Variants in SOX5 observed in about 807,000 individuals in gnomAD.
The protein encoded by SOX5 is transcription factor SOX-5.
A neutral mutation model predicts 92.0 loss-of-function variants in SOX5; 9 were observed. That is an observed-to-expected ratio of 0.10 (90% CI 0.06 to 0.17). The LOEUF (loss-of-function observed/expected upper bound fraction) is 0.17, where lower values mean the gene tolerates loss of function less well. SOX5 is among the 10% of genes least tolerant of loss of function. The pLI is 1.00. For synonymous variants in SOX5, 344 were observed against 336.3 expected (o/e 1.02, Z -0.25); for missense variants, 642 against 944.5 (o/e 0.68, Z 4.20).
chr12:24,434,649 A>G (rs1323474643), intron 1 of SOX5, among the ~76,000 whole-genome samples: 1 of 152,150 alleles, frequency 6.6e-6, no homozygotes, highest in Non-Finnish European at 1.5e-5. Context: ...TGGTGTTGTC[A>G]TCATGATAGT....
chr12:24,078,800 C>T (rs1000751115), intron 4 of SOX5, among the ~76,000 whole-genome samples: 1 of 152,002 alleles, frequency 6.6e-6, no homozygotes, highest in Non-Finnish European at 1.5e-5. Context: ...TTTTCGAAAA[C>T]TTTATTTAGC....
In SOX5 at chr12:23,741,693, G is replaced by A. The variant is rs79417962; in HGVS notation, c.569-654C>T. Among the ~76,000 whole-genome samples, 894 of 152,118 alleles carry A rather than the reference G, an allele frequency of 5.9e-3. 7 individuals carry two copies. Among genetic ancestry groups the A allele is most frequent in the African/African-American group, 0.019 (776 of 41,516 alleles). On this transcript the variant is annotated intron_variant, in intron 4 of 14. Coordinates refer to ENST00000451604, the MANE Select transcript of SOX5 (RefSeq NM_006940.6). ...ATATGCCAATTCAGAGTCTATCTTC[G>A]AAAATAAAATACAGTTAACTGAGCA... is the stretch of plus-strand genomic sequence containing the variant.
intron 2 of SOX5, among the ~76,000 whole-genome samples, chr12:24,303,613 T>C (rs1948241122): frequency 1.3e-5 from 2 of 152,222 alleles, no homozygotes; most frequent in Admixed American, 6.5e-5. Flanking sequence ...ATTCCTATAG[T>C]TGAAGAAAGT....
chr12:24,250,994 C>T (rs1594804238), intron 3 of SOX5, among the ~76,000 whole-genome samples: 1 of 152,172 alleles, frequency 6.6e-6, no homozygotes, highest in Non-Finnish European at 1.5e-5. Context: ...TGCAGTTAAA[C>T]TTAAAATCTG....
At chr12:23,871,624 T>G (rs2136796393) in intron 2 of SOX5, among the ~76,000 whole-genome samples, 1 of 152,278 alleles carries the variant, frequency 6.6e-6, no homozygotes, top group Non-Finnish European at 1.5e-5. Context: ...AGATTTTTGT[T>G]CTTGTAAACT....
chr12:23,596,030 G>A (rs1054887890), intron 9 of SOX5, among the ~76,000 whole-genome samples: 10 of 152,184 alleles, frequency 6.6e-5, no homozygotes, highest in Admixed American at 6.5e-4. Context: ...GTTACCTTGA[G>A]ACTGGGTTAT....
chr12:23,957,482 G>T (rs1001199284), intron 4 of SOX5, among the ~76,000 whole-genome samples: 3 of 152,148 alleles, frequency 2.0e-5, no homozygotes, highest in African/African-American at 7.2e-5. Context: ...AACTGTGATT[G>T]GCGTAGGGGG....
At chr12:23,820,196 T>C (rs2096078923) in intron 3 of SOX5, among the ~76,000 whole-genome samples, 1 of 152,356 alleles carries the variant, frequency 6.6e-6, no homozygotes, top group East Asian at 1.9e-4. Context: ...ATGAGCTTTT[T>C]TTCATGTTTT....
chr12:23,538,009 G>GTCATC (rs1228550950), intron 13 of SOX5, among the ~76,000 whole-genome samples: 1 of 151,682 alleles, frequency 6.6e-6, no homozygotes, highest in African/African-American at 2.4e-5. Context: ...TCTGCAAATA[G>GTCATC]TCATCTCAAC....
At chr12:24,135,126 G>C (rs977486546) in intron 4 of SOX5, among the ~76,000 whole-genome samples, 2 of 152,148 alleles carry the variant, frequency 1.3e-5, no homozygotes, top group Non-Finnish European at 2.9e-5. Flanking sequence ...CATTTTTATT[G>C]ATGTCACTCT....
chr12:23,945,825 C>T (rs1456132870), intron 1 of SOX5, among the ~76,000 whole-genome samples: 3 of 152,030 alleles, frequency 2.0e-5, no homozygotes, highest in Non-Finnish European at 2.9e-5. Flanking sequence ...CTCATGAGCA[C>T]AACGGATTTT....
chr12:23,966,232 A>AAAAAAAAAT (rs1947562381), intron 4 of SOX5, among the ~76,000 whole-genome samples: 1 of 92,202 alleles, frequency 1.1e-5, no homozygotes, highest in Non-Finnish European at 2.1e-5. Flanking sequence ...AAAAAAAAAA[A>AAAAAAAAAT]AAAAAAAAAG....
chr12:23,695,594 A>T (rs756405802), intron 6 of SOX5, among the ~76,000 whole-genome samples: 111 of 152,274 alleles, frequency 7.3e-4, no homozygotes, highest in Non-Finnish European at 2.5e-4. Context: ...TATTTTATTA[A>T]TCTAGTCAAT....
intron 4 of SOX5, among the ~76,000 whole-genome samples, chr12:24,125,988 C>T (rs1266284288): frequency 6.6e-6 from 1 of 152,138 alleles, no homozygotes; most frequent in Non-Finnish European, 1.5e-5. Context: ...GCCATGGGCA[C>T]TTCCTTTCCT....
intron 7 of SOX5, among the ~76,000 whole-genome samples, chr12:23,657,399 A>G (rs893035926): frequency 6.6e-6 from 1 of 152,174 alleles, no homozygotes; most frequent in Non-Finnish European, 1.5e-5. Flanking sequence ...AGGACTTTTT[A>G]AGTCCTTACG....
intron 8 of SOX5, among the ~76,000 whole-genome samples, chr12:23,618,812 T>C (rs190631242): frequency 2.0e-5 from 3 of 152,264 alleles, no homozygotes; most frequent in Admixed American, 2.0e-4. Flanking sequence ...ACTTTCCAGA[T>C]AAAATGTTCT....
At position 23,941,520 on chromosome 12, in the gene SOX5, TA is replaced by T. The variant is rs371404331; in HGVS notation, c.38+8043del. On this transcript the variant is annotated intron_variant, in intron 1 of 14. Coordinates refer to ENST00000451604, the MANE Select transcript of SOX5 (RefSeq NM_006940.6). The stretch of plus-strand genomic sequence containing the variant: ...TTTCCTCTATTTCCCAAATTGTAGT[TA>T]TATTTAGGACTGGAGGAAAACAGAA... 4.6e-3 allele frequency among the ~76,000 whole-genome samples: 702 copies of T among 151,678 alleles called. 9 individuals are homozygous for T. The highest frequency in any genetic ancestry group is 0.016 in the African/African-American group (670 of 41,502).
intron 4 of SOX5, among the ~76,000 whole-genome samples, chr12:23,999,177 T>TGTGTGTGTGTGC (rs1569452779): frequency 5.6e-4 from 78 of 139,988 alleles, no homozygotes; most frequent in African/African-American, 2.1e-3. Flanking sequence ...TGTGTGTGTG[T>TGTGTGTGTGTGC]ACCATTGCTT....
chr12:24,534,836 G>A (rs1951498492), intron 1 of SOX5, among the ~76,000 whole-genome samples: 1 of 152,236 alleles, frequency 6.6e-6, no homozygotes, highest in African/African-American at 2.4e-5. Flanking sequence ...CGGGCATTCT[G>A]AGAACACATC....
Sources: allele counts gnomAD v4.1 joint callset (sites outside exome capture counted in the v4.1 genomes callset), GRCh38; gene constraint gnomAD v4.1.1; transcripts MANE v1.5; gene names NCBI Gene and HGNC (gene_info 2026-07-23, HGNC 2026-07-21).